Variants in TTC28 observed in about 807,000 individuals in gnomAD.
TTC28 encodes tetratricopeptide repeat domain 28.
TTC28 carries 61 observed loss-of-function variants against 198.0 expected under a neutral mutation model. The observed-to-expected ratio is 0.31, with a 90% CI of 0.25 to 0.38. The LOEUF (loss-of-function observed/expected upper bound fraction) is 0.38, where lower values mean the gene tolerates loss of function less well. TTC28 is among the 10% of genes least tolerant of loss of function. TTC28 has a pLI of 1.00. For missense variants in TTC28, 2,678 were observed against 3,164.0 expected, an observed-to-expected ratio of 0.85 and a Z score of 3.69; for synonymous variants, 1,171 against 1,297.8, an observed-to-expected ratio of 0.90 and a Z score of 2.10.
intron 2 of TTC28, among the ~76,000 whole-genome samples, chr22:28,591,032 CACACACACATATATATATATATATAT>C (rs1486998137): frequency 1.9e-4 from 12 of 62,606 alleles, no homozygotes; most frequent in East Asian, 1.9e-3. Flanking sequence ...CACACACACA[CACACACACATATATATATATATATAT>C]ATATATATAT....
At chr22:28,613,789 A>G (rs1205930678) in intron 2 of TTC28, among the ~76,000 whole-genome samples, 2 of 152,220 alleles carry the variant, frequency 1.3e-5, no homozygotes, top group African/African-American at 4.8e-5. Context: ...TTGATGGAAC[A>G]TATCTCAAAA....
At chr22:28,375,316 T>C (rs1648721508) in intron 2 of TTC28, among the ~76,000 whole-genome samples, 1 of 152,204 alleles carries the variant, frequency 6.6e-6, no homozygotes, top group Admixed American at 6.5e-5. Flanking sequence ...TTTAATTCTC[T>C]GAACAACCTT....
intron 12 of TTC28, among the ~76,000 whole-genome samples, chr22:28,091,392 T>C (rs1488925541): frequency 6.6e-6 from 1 of 152,208 alleles, no homozygotes; most frequent in East Asian, 1.9e-4. Context: ...CATGAATGCT[T>C]GGTTTAGACT....
chr22:28,369,203 C>A (rs1455401244), intron 2 of TTC28, among the ~76,000 whole-genome samples: 1 of 152,062 alleles, frequency 6.6e-6, no homozygotes, highest in Non-Finnish European at 1.5e-5. Context: ...ACTATAGTAA[C>A]CAAAACAGCA....
intron 6 of TTC28, among the ~76,000 whole-genome samples, chr22:28,143,651 T>C (rs1943394031): frequency 6.6e-6 from 1 of 152,198 alleles, no homozygotes; most frequent in South Asian, 2.1e-4. Context: ...AGGACAAAGA[T>C]GGACTAAAAG....
chr22:28,401,706 G>A (rs989915226), intron 2 of TTC28, among the ~76,000 whole-genome samples: 1 of 152,142 alleles, frequency 6.6e-6, no homozygotes, highest in Admixed American at 6.6e-5. Flanking sequence ...CAAGATGATT[G>A]CTTCAGGCCA....
At chr22:28,142,614 G>C (rs189437246) in intron 6 of TTC28, among the ~76,000 whole-genome samples, 7 of 152,226 alleles carry the variant, frequency 4.6e-5, no homozygotes, top group African/African-American at 1.7e-4. Flanking sequence ...CATAAATTAT[G>C]CAGAGCCTCA....
chr22:28,371,177 T>C (rs1213345625), intron 2 of TTC28, among the ~76,000 whole-genome samples: 2 of 152,034 alleles, frequency 1.3e-5, no homozygotes, highest in Non-Finnish European at 1.5e-5. Flanking sequence ...TGTAAGGAGT[T>C]AGTAATAGAA....
At chr22:28,470,976 G>A (rs139583499) in intron 2 of TTC28, among the ~76,000 whole-genome samples, 257 of 152,290 alleles carry the variant, frequency 1.7e-3, no homozygotes, top group African/African-American at 5.9e-3. Flanking sequence ...GCCAAAATAT[G>A]CTTCACAAAT....
intron 2 of TTC28, among the ~76,000 whole-genome samples, chr22:28,512,817 G>A (rs189398492): frequency 9.1e-4 from 139 of 152,198 alleles, no homozygotes; most frequent in Non-Finnish European, 1.2e-4. Context: ...CAGATGCTGG[G>A]CTTAATACCT....
intron 5 of TTC28, among the ~76,000 whole-genome samples, chr22:28,248,678 C>T (rs1461978574): frequency 3.9e-5 from 6 of 152,122 alleles, no homozygotes; most frequent in African/African-American, 1.2e-4. Flanking sequence ...AGAAAATATC[C>T]TGCCCAAAAT....
intron 2 of TTC28, among the ~76,000 whole-genome samples, chr22:28,591,040 CATATATATATATATATATATAT>C (rs377761638): frequency 3.3e-5 from 1 of 30,756 alleles, no homozygotes; most frequent in African/African-American, 1.6e-4. Flanking sequence ...CACACACACA[CATATATATATATATATATATAT>C]ATATATATAT....
At chr22:28,315,383 G>A (rs1281367307) in intron 2 of TTC28, among the ~76,000 whole-genome samples, 2 of 152,028 alleles carry the variant, frequency 1.3e-5, no homozygotes, top group Non-Finnish European at 2.9e-5. Context: ...TGCTTCAGAG[G>A]GACAGGCCCT....
intron 5 of TTC28, among the ~76,000 whole-genome samples, chr22:28,215,017 C>T (rs920160694): frequency 4.6e-5 from 7 of 152,062 alleles, no homozygotes; most frequent in African/African-American, 1.7e-4. Context: ...TCATTCTAAG[C>T]AAACTAAAGC....
At chr22:28,177,003 T>C (rs1294018494) in intron 5 of TTC28, among the ~76,000 whole-genome samples, 2 of 152,106 alleles carry the variant, frequency 1.3e-5, no homozygotes, top group African/African-American at 4.8e-5. Context: ...AAAAATATGT[T>C]CAATGAAAGA....
chr22:28,040,181 A>G (rs1481263115), intron 12 of TTC28, among the ~76,000 whole-genome samples: 1 of 152,162 alleles, frequency 6.6e-6, no homozygotes, highest in Non-Finnish European at 1.5e-5. Flanking sequence ...GGTACCATTC[A>G]GTCTGAAACT....
chr22:28,134,228 G>C (rs889701727), intron 6 of TTC28, among the ~76,000 whole-genome samples: 53 of 152,252 alleles, frequency 3.5e-4, no homozygotes, highest in Non-Finnish European at 5.3e-4. Context: ...TCATCAAAGA[G>C]CAAAGGTAGA....
At chr22:28,032,209 T>C (rs1939135454) in intron 12 of TTC28, among the ~76,000 whole-genome samples, 1 of 116,674 alleles carries the variant, frequency 8.6e-6, no homozygotes, top group Non-Finnish European at 1.8e-5. Flanking sequence ...ATATAAAATA[T>C]ATATATATAA....
intron 5 of TTC28, among the ~76,000 whole-genome samples, chr22:28,197,532 T>C (rs1159182444): frequency 6.6e-6 from 1 of 152,022 alleles, no homozygotes; most frequent in African/African-American, 2.4e-5. Flanking sequence ...ACTTCATCTC[T>C]AAAATGGGGA....
Sources: allele counts gnomAD v4.1 joint callset (sites outside exome capture counted in the v4.1 genomes callset), GRCh38; gene constraint gnomAD v4.1.1; transcripts MANE v1.5; gene names NCBI Gene and HGNC (gene_info 2026-07-23, HGNC 2026-07-21).